Variants in MICAL3 observed in about 807,000 individuals in gnomAD.
MICAL3 encodes microtubule associated monooxygenase, calponin and LIM domain containing 3, also known as [F-actin]-monooxygenase MICAL3.
A neutral mutation model predicts 207.4 loss-of-function variants in MICAL3; 62 were observed. The ratio of observed to expected loss-of-function variants is 0.30; its 90% confidence interval spans 0.24 to 0.37. The LOEUF is 0.37. MICAL3 is among the 10% of genes least tolerant of loss of function. The probability of loss-of-function intolerance (pLI) is 1.00; values close to 1 mark genes in which losing one functional copy is unlikely to be tolerated. For missense variants in MICAL3, 2,368 were observed against 2,635.6 expected, an observed-to-expected ratio of 0.90 and a Z score of 2.22; for synonymous variants, 1,077 against 1,069.3, an observed-to-expected ratio of 1.01 and a Z score of -0.14.
At position 17,989,728 on chromosome 22, in the gene MICAL3, C is replaced by A. The variant is rs573848751; in HGVS notation, c.-75+34553G>T. ...CTCACCCATGTGCCAAGTGCCCTTG[C>A]ACAAGATGCTTCTGTCTCTGGGTCC... On this transcript the variant is annotated intron_variant, in intron 1 of 31. Transcript: ENST00000441493. Among the ~76,000 whole-genome samples the A allele has an allele frequency of 4.6e-5, 7 of 152,352 alleles. No homozygotes were observed. The South Asian group carries it at 1.5e-3, about 32-fold the overall frequency.
At chr22:17,967,007 T>C (rs1305003505) in intron 1 of MICAL3, among the ~76,000 whole-genome samples, 1 of 152,212 alleles carries the variant, frequency 6.6e-6, no homozygotes, top group Non-Finnish European at 1.5e-5. Flanking sequence ...CTGTAAGTAC[T>C]TCCTGGGCAC....
At chr22:17,813,505 T>C (rs2062070726) in intron 27 of MICAL3, 3 of 152,166 alleles carry the variant, frequency 2.0e-5, no homozygotes. Context: ...CTGCCTCAGG[T>C]GGACCCACCT....
chr22:18,013,978 G>A (rs1255289013), intron 1 of MICAL3, among the ~76,000 whole-genome samples: 3 of 151,694 alleles, frequency 2.0e-5, no homozygotes, highest in African/African-American at 7.3e-5. Context: ...TAAAGTTTTT[G>A]TAGAAACGGG....
chr22:17,898,368 T>G (rs1350659270), intron 7 of MICAL3, among the ~76,000 whole-genome samples: 1 of 152,244 alleles, frequency 6.6e-6, no homozygotes, highest in Non-Finnish European at 1.5e-5. Flanking sequence ...GAAAGTGGGC[T>G]GTATAAACAG....
chr22:17,906,306 G>A (rs1390897718), intron 2 of MICAL3, among the ~76,000 whole-genome samples: 2 of 152,192 alleles, frequency 1.3e-5, no homozygotes, highest in Non-Finnish European at 2.9e-5. Context: ...CAGGGTTGAA[G>A]CCTGATTTCT....
chr22:17,889,113 C>T lies in MICAL3; in HGVS notation c.1812G>A (p.Val604=), dbSNP rs756945119. The T allele has an allele frequency of 5.3e-5, 85 of 1,613,726 alleles. No homozygotes were observed. Among genetic ancestry groups the T allele is most frequent in the South Asian group, 7.7e-5 (7 of 91,076 alleles). ...CCATGGACAGCTTATCAGGCTCCCC[C>T]ACGGAGGCCATTTCTTTGCCTGTCA... The part of the protein sequence containing the change: ...PIMTGKEMAS[V]GEPDKLSMVM... The change falls in exon 13 of 32, where the codon GTG becomes GTA. Residue 604 remains valine, a synonymous_variant. Coordinates refer to ENST00000441493, the MANE Select transcript of MICAL3 (RefSeq NM_015241.3).
chr22:17,915,303 C>G (rs9618161), intron 1 of MICAL3, among the ~76,000 whole-genome samples: 1,694 of 152,338 alleles, frequency 0.011, 32 homozygotes, highest in African/African-American at 0.039. Context: ...GATTAAAGGG[C>G]TACCCGGTCA....
chr22:18,021,698 A>G (rs1431166629), intron 1 of MICAL3, among the ~76,000 whole-genome samples: 1 of 152,190 alleles, frequency 6.6e-6, no homozygotes, highest in Non-Finnish European at 1.5e-5. Flanking sequence ...GAGCATGCAG[A>G]GACAAGCAAT....
At position 17,877,477 on chromosome 22, in the gene MICAL3, G is replaced by T. The variant is rs1263388510; in HGVS notation, c.2242-5454C>A. Among the ~76,000 whole-genome samples the T allele has an allele frequency of 2.7e-4, 31 of 116,936 alleles. 1 individual carries two copies. The highest frequency in any genetic ancestry group is 5.4e-4 in the African/African-American group (12 of 22,206). 76.7% of individuals were successfully genotyped at this position (116,936 alleles called of 152,430 possible). The stretch of plus-strand genomic sequence containing the variant: ...GAGGTTAGGGAGATTATGGAGGTTA[G>T]GGAGGTTATGGAGGTTAGGGAGGTT... On this transcript the variant is annotated intron_variant, in intron 16 of 31. Transcript: ENST00000441493.
At chr22:17,797,423 G>A (rs953214038) in intron 29 of MICAL3, among the ~76,000 whole-genome samples, 1 of 152,160 alleles carries the variant, frequency 6.6e-6, no homozygotes, top group Middle Eastern at 3.2e-3. Flanking sequence ...GAGCCCGGGA[G>A]GTCAAGGCTG....
At chr22:17,995,329 A>T (rs1443500304) in intron 1 of MICAL3, among the ~76,000 whole-genome samples, 1 of 151,862 alleles carries the variant, frequency 6.6e-6, no homozygotes, top group Non-Finnish European at 1.5e-5. Context: ...GGTGTACACC[A>T]CCATGCCCGG....
intron 20 of MICAL3, among the ~76,000 whole-genome samples, chr22:17,833,817 CT>C (rs1923066488): frequency 6.6e-6 from 1 of 152,152 alleles, no homozygotes; most frequent in African/African-American, 2.4e-5. Flanking sequence ...CTTAGTATTG[CT>C]CAGGTGAGCA....
rs192086660 is a variant in MICAL3 at position 17,868,726 on chromosome 22, T to C, written c.2429-2714A>G. Among the ~76,000 whole-genome samples, 488 of 151,820 alleles carry C rather than the reference T, an allele frequency of 3.2e-3. 2 individuals carry two copies. Among genetic ancestry groups the C allele is most frequent in the African/African-American group, 0.011 (471 of 41,368 alleles). Reference sequence around the variant, plus strand: ...GGAAAAGGGAAATGGAGAAAACAGGTGGCCACAGGGCAAACCCAAGGTCAA... The same window carrying C: ...GGAAAAGGGAAATGGAGAAAACAGGCGGCCACAGGGCAAACCCAAGGTCAA... On this transcript the variant is annotated intron_variant, in intron 17 of 31. Transcript: ENST00000441493.
Position 17,883,605 on chromosome 22 carries a change from C to T in MICAL3, c.2241+2273G>A, listed in dbSNP as rs1033496254. On this transcript the variant is annotated intron_variant, in intron 16 of 31. Coordinates refer to ENST00000441493, the MANE Select transcript of MICAL3 (RefSeq NM_015241.3). The stretch of plus-strand genomic sequence containing the variant: ...TTGCTCAGCTGTGACACGGAGGAAA[C>T]GCAGCTGGGGGTCCCAATTCCTCTG... Among the ~76,000 whole-genome samples, 18 of 152,328 alleles carry T rather than the reference C, an allele frequency of 1.2e-4. 1 individual carries two copies. The East Asian group carries it at 1.9e-3, about 16-fold the overall frequency.
At chr22:17,847,617 G>T (rs187108438) in intron 19 of MICAL3, among the ~76,000 whole-genome samples, 10 of 152,054 alleles carry the variant, frequency 6.6e-5, no homozygotes, top group Non-Finnish European at 1.5e-4. Flanking sequence ...AAAAGGGGCC[G>T]ACCGTGACCA....
chr22:17,887,493 G>T, intron 13 of MICAL3, 58 bp from the exon 14 acceptor site: 8 of 1,118,352 alleles, frequency 7.2e-6, no homozygotes, highest in South Asian at 5.4e-5. Flanking sequence ...GCAAAATCCT[G>T]ACCAAAACTA....
intron 19 of MICAL3, chr22:17,863,086 A>C (rs1022298230): frequency 1.0e-6 from 1 of 985,170 alleles, no homozygotes; most frequent in Non-Finnish European, 1.2e-6. Context: ...CTTATTCTCT[A>C]TGGAAAGCGT....
At chr22:17,944,482 T>C (rs1485010565) in intron 1 of MICAL3, among the ~76,000 whole-genome samples, 3 of 152,170 alleles carry the variant, frequency 2.0e-5, no homozygotes, top group Admixed American at 1.3e-4. Context: ...TATTATTACA[T>C]TAAGTCCCGA....
intron 1 of MICAL3, among the ~76,000 whole-genome samples, chr22:17,957,742 A>ATG (rs1569146782): frequency 2.2e-5 from 3 of 133,352 alleles, no homozygotes; most frequent in Non-Finnish European, 4.9e-5. Flanking sequence ...GAGAAAGAAA[A>ATG]CGAGAGAGAG....
Sources: gnomAD v4.1 joint callset for allele counts (sites outside exome capture counted in the v4.1 genomes callset) on GRCh38, gnomAD v4.1.1 for gene constraint, MANE v1.5 for transcripts, NCBI Gene and HGNC (gene_info 2026-07-23, HGNC 2026-07-21) for gene names.